The following ITFG1 variants were observed in gnomAD, a reference collection of about 807,000 sequenced individuals.
ITFG1 encodes the protein T-cell immunomodulatory protein.
A neutral mutation model predicts 81.8 loss-of-function variants in ITFG1; 34 were observed. The ratio of observed to expected loss-of-function variants is 0.42; its 90% confidence interval spans 0.32 to 0.55. ITFG1 has a LOEUF of 0.55. ITFG1 is among the 20% of genes least tolerant of loss of function. The pLI, the probability that ITFG1 is intolerant of heterozygous loss-of-function variation, is 0.17. For missense variants in ITFG1, 672 were observed against 755.4 expected (o/e 0.89, Z 1.29); for synonymous variants, 285 against 270.6 (o/e 1.05, Z -0.52).
intron 10 of ITFG1, 115 bp from the exon 11 acceptor site, chr16:47,260,810 G>GA (rs1966202170): frequency 1.8e-6 from 2 of 1,102,170 alleles, no homozygotes; most frequent in South Asian, 1.8e-5. Flanking sequence ...GAAATTACAC[G>GA]AAAAAATCTC....
chr16:47,433,980 G>A (rs1475831318), intron 5 of ITFG1, among the ~76,000 whole-genome samples: 4 of 145,572 alleles, frequency 2.7e-5, no homozygotes, highest in Non-Finnish European at 3.0e-5. Flanking sequence ...TACCGTTGAA[G>A]TTGCTCTTTG....
At chr16:47,234,396 A>G (rs1965849915) in intron 13 of ITFG1, among the ~76,000 whole-genome samples, 1 of 152,180 alleles carries the variant, frequency 6.6e-6, no homozygotes, top group Non-Finnish European at 1.5e-5. Context: ...ATGACCTAAG[A>G]AAGAATCAGT....
intron 8 of ITFG1, among the ~76,000 whole-genome samples, chr16:47,331,668 G>C (rs1849866157): frequency 6.6e-6 from 1 of 152,002 alleles, no homozygotes; most frequent in Admixed American, 6.6e-5. Flanking sequence ...AAATAAACAT[G>C]GGTTAGTTTA....
At chr16:47,264,688 T>A (rs1332278124) in intron 10 of ITFG1, among the ~76,000 whole-genome samples, 3 of 151,914 alleles carry the variant, frequency 2.0e-5, no homozygotes, top group Non-Finnish European at 1.5e-5. Flanking sequence ...ATGACAACAG[T>A]TAAACCTAAA....
chr16:47,357,384 G>A (rs1968053641), intron 8 of ITFG1, among the ~76,000 whole-genome samples: 1 of 152,042 alleles, frequency 6.6e-6, no homozygotes, highest in Non-Finnish European at 1.5e-5. Context: ...GGAGGCTGAG[G>A]TGGGCGGATC....
Position 47,154,583 on chromosome 16 carries a change from T to C in ITFG1, c.*1136A>G, listed in dbSNP as rs1964674954. On this transcript the variant is annotated 3_prime_UTR_variant, in exon 18 of 18. Coordinates refer to ENST00000320640, the MANE Select transcript of ITFG1 (RefSeq NM_030790.5). ...TATTAGCATTGATAAACTTTTTTTT[T>C]TCAGTCTTAAAGTCTTTTTAAAGTA... 6.6e-6 allele frequency: 1 copy of C among 152,212 alleles called. No homozygotes were observed. The highest frequency in any genetic ancestry group is 1.5e-5 in the Non-Finnish European group (1 of 68,032). The allele number at this position is 152,212 out of a possible 1,614,324, so 9.4% of individuals were successfully genotyped here.
chr16:47,358,244 G>C (rs1410477984), intron 8 of ITFG1, among the ~76,000 whole-genome samples: 1 of 152,152 alleles, frequency 6.6e-6, no homozygotes, highest in Non-Finnish European at 1.5e-5. Context: ...GAGCAGAGTA[G>C]GCTAAGGGAG....
At chr16:47,443,407 C>G (rs570699394) in intron 5 of ITFG1, among the ~76,000 whole-genome samples, 148 of 152,158 alleles carry the variant, frequency 9.7e-4, no homozygotes, top group Middle Eastern at 3.4e-3. Flanking sequence ...GGTATATACC[C>G]AAAGGATTAT....
At chr16:47,268,611 A>G (rs1471755543) in intron 10 of ITFG1, among the ~76,000 whole-genome samples, 1 of 152,244 alleles carries the variant, frequency 6.6e-6, no homozygotes, top group Non-Finnish European at 1.5e-5. Flanking sequence ...ATTCTAGCCA[A>G]TCAAATTCAA....
At chr16:47,176,983 G>A (rs915480283) in intron 14 of ITFG1, among the ~76,000 whole-genome samples, 1 of 149,490 alleles carries the variant, frequency 6.7e-6, no homozygotes, top group Non-Finnish European at 1.5e-5. Flanking sequence ...AACAGAGATG[G>A]GGCCTTGCTC....
At position 47,380,920 on chromosome 16, in the gene ITFG1, T is replaced by C. The variant is rs948930625; in HGVS notation, c.656-4980A>G. The stretch of plus-strand genomic sequence containing the variant: ...AACTCCAAACTCAATTAAGTTCTTT[T>C]TCATTAGATTCATTTAACAAGTAAA... On this transcript the variant is annotated intron_variant, in intron 6 of 17. Coordinates refer to ENST00000320640, the MANE Select transcript of ITFG1 (RefSeq NM_030790.5). 2.0e-5 allele frequency among the ~76,000 whole-genome samples: 3 copies of C among 152,360 alleles called. No individual in the cohort carries two copies. The South Asian group carries it at 6.2e-4, about 32-fold the overall frequency.
chr16:47,209,242 T>C (rs1160581752), intron 14 of ITFG1, among the ~76,000 whole-genome samples: 1 of 152,196 alleles, frequency 6.6e-6, no homozygotes, highest in African/African-American at 2.4e-5. Flanking sequence ...TAATCCATCA[T>C]TGTAACTGTA....
chr16:47,391,772 T>C (rs1968534568), intron 6 of ITFG1, among the ~76,000 whole-genome samples: 1 of 152,338 alleles, frequency 6.6e-6, no homozygotes, highest in South Asian at 2.1e-4. Flanking sequence ...TAAATTATTT[T>C]CTGCCCACTC....
At chr16:47,288,483 T>C (rs1966878775) in intron 10 of ITFG1, among the ~76,000 whole-genome samples, 1 of 152,190 alleles carries the variant, frequency 6.6e-6, no homozygotes, top group Non-Finnish European at 1.5e-5. Context: ...GCAGGTATGA[T>C]AGTTCTATTT....
chr16:47,157,729 C>T (rs569385379), intron 17 of ITFG1: 1 of 152,210 alleles, frequency 6.6e-6, no homozygotes, highest in South Asian at 2.1e-4. Context: ...AGCCTATGAG[C>T]ATTTATAGAA....
chr16:47,366,494 A>G (rs1968179384), intron 7 of ITFG1, among the ~76,000 whole-genome samples: 1 of 152,168 alleles, frequency 6.6e-6, no homozygotes, highest in African/African-American at 2.4e-5. Context: ...AGAAAAGGAG[A>G]GCTTATCAGC....
chr16:47,339,449 G>T (rs1967751881), intron 8 of ITFG1, among the ~76,000 whole-genome samples: 1 of 152,100 alleles, frequency 6.6e-6, no homozygotes, highest in South Asian at 2.1e-4. Context: ...TGTTCAAAGG[G>T]CTAAAGAAAA....
In ITFG1 at chr16:47,311,395, T is replaced by G. The variant is rs1302797944; in HGVS notation, c.915A>C (p.Gln305His). Residue 305 changes from glutamine (Q) to histidine (H), a missense_variant, in exon 10 of 18, where the codon CAA becomes CAC. By Grantham distance (24) the Gln-to-His change is conservative. Transcript: ENST00000320640. ...AGAGTGTGCCCTTATTGCTGAAATCTTGTAGGACTGGAACCCACTATGGAT... is the reference window on the plus strand; with the variant it reads ...AGAGTGTGCCCTTATTGCTGAAATCGTGTAGGACTGGAACCCACTATGGAT... ...SGMKQWVPVLQDFSNKGTLWG... is the reference protein window; with the variant it reads ...SGMKQWVPVLHDFSNKGTLWG... 4 of 1,612,682 alleles carry G rather than the reference T, an allele frequency of 2.5e-6. No individual in the cohort carries two copies. The East Asian group carries it at 6.7e-5, about 27-fold the overall frequency.
At chr16:47,409,180 TTCTGCAATG>T (rs943651919) in intron 6 of ITFG1, among the ~76,000 whole-genome samples, 6 of 151,098 alleles carry the variant, frequency 4.0e-5, no homozygotes, top group Non-Finnish European at 7.4e-5. Flanking sequence ...AGCTTTTGAC[TTCTGCAATG>T]AAGTTTTTGA....
Sources: gnomAD v4.1 joint callset for allele counts (sites outside exome capture counted in the v4.1 genomes callset) on GRCh38, gnomAD v4.1.1 for gene constraint, MANE v1.5 for transcripts, NCBI Gene and HGNC (gene_info 2026-07-23, HGNC 2026-07-21) for gene names.